Variants in PCCA observed in about 807,000 individuals in gnomAD.
PCCA encodes propionyl-CoA carboxylase alpha chain, mitochondrial.
In PCCA, 74 loss-of-function variants were observed where a neutral mutation model predicts 101.3. That is an observed-to-expected ratio of 0.73 (90% CI 0.61 to 0.89). The LOEUF (loss-of-function observed/expected upper bound fraction) is 0.89. Ranked by LOEUF, PCCA falls within the 40% of genes least tolerant of loss-of-function variation. The probability of loss-of-function intolerance (pLI) is 0.00; values close to 1 mark genes in which losing one functional copy is unlikely to be tolerated. For synonymous variants in PCCA, 294 were observed against 313.6 expected, an observed-to-expected ratio of 0.94 and a Z score of 0.66; for missense variants, 891 against 907.0, an observed-to-expected ratio of 0.98 and a Z score of 0.23.
intron 14 of PCCA, among the ~76,000 whole-genome samples, chr13:100,306,555 C>A (rs1274278667): frequency 6.6e-6 from 1 of 152,130 alleles, no homozygotes; most frequent in Admixed American, 6.6e-5. Context: ...TGGTTAACAG[C>A]AATCAGCCTC....
intron 18 of PCCA, among the ~76,000 whole-genome samples, chr13:100,348,910 CTT>C (rs779922371): frequency 3.9e-5 from 2 of 51,498 alleles, no homozygotes; most frequent in African/African-American, 1.0e-4. Context: ...TCCTTCCTTC[CTT>C]TCTTTTCTTT....
intron 10 of PCCA, 51 bp downstream of exon 10, chr13:100,262,882 T>A: frequency 1.3e-6 from 1 of 785,686 alleles, no homozygotes; most frequent in Non-Finnish European, 2.2e-6. Flanking sequence ...TAATATCATT[T>A]AATCCTATTG....
intron 19 of PCCA, among the ~76,000 whole-genome samples, chr13:100,370,993 TAATTTTTAGGAGTTTA>T (rs2075541249): frequency 6.6e-6 from 1 of 152,176 alleles, no homozygotes; most frequent in Non-Finnish European, 1.5e-5. Flanking sequence ...TTCTTCTGTT[TAATTTTTAGGAGTTTA>T]AATTATAAGA....
At chr13:100,515,336 T>G in intron 21 of PCCA, 91 bp from the exon 22 acceptor site, 1 of 1,184,582 alleles carries the variant, frequency 8.4e-7, no homozygotes, top group Admixed American at 1.9e-5. Flanking sequence ...AATTTGAATT[T>G]AAAAGCTAAA....
chr13:100,255,105 A>G (rs181914334), intron 8 of PCCA, among the ~76,000 whole-genome samples: 2 of 152,178 alleles, frequency 1.3e-5, no homozygotes, highest in Non-Finnish European at 2.9e-5. Context: ...TCTAACTTGC[A>G]TCAGTTTCTT....
At chr13:100,505,270 T>C (rs1242711111) in intron 21 of PCCA, among the ~76,000 whole-genome samples, 1 of 152,254 alleles carries the variant, frequency 6.6e-6, no homozygotes, top group Non-Finnish European at 1.5e-5. Flanking sequence ...TCTTGTTTAT[T>C]TTGTATTCTT....
intron 21 of PCCA, among the ~76,000 whole-genome samples, chr13:100,497,993 A>G (rs909658895): frequency 6.6e-6 from 1 of 151,906 alleles, no homozygotes; most frequent in African/African-American, 2.4e-5. Flanking sequence ...CCTCAGCCTC[A>G]TGAGTAGCTA....
intron 8 of PCCA, among the ~76,000 whole-genome samples, chr13:100,252,663 T>C (rs1393262446): frequency 6.6e-6 from 1 of 152,168 alleles, no homozygotes; most frequent in Non-Finnish European, 1.5e-5. Context: ...TATCAGTTGG[T>C]CAAAAAAGAT....
intron 7 of PCCA, among the ~76,000 whole-genome samples, chr13:100,215,533 C>A (rs1463435036): frequency 6.6e-6 from 1 of 152,200 alleles, no homozygotes; most frequent in African/African-American, 2.4e-5. Context: ...CCTACCCCCT[C>A]AGATACCAAA....
chr13:100,525,493 C>A (rs1046992664), intron 22 of PCCA, among the ~76,000 whole-genome samples: 1 of 152,226 alleles, frequency 6.6e-6, no homozygotes, highest in Non-Finnish European at 1.5e-5. Flanking sequence ...CAGGCCCTGG[C>A]GGGGCCCAGA....
At chr13:100,336,046 T>C (rs2070398813) in intron 17 of PCCA, among the ~76,000 whole-genome samples, 1 of 152,120 alleles carries the variant, frequency 6.6e-6, no homozygotes, top group South Asian at 2.1e-4. Context: ...GCGGATCGCC[T>C]GAAGTCAGGA....
At chr13:100,217,242 C>T (rs540046208) in intron 7 of PCCA, among the ~76,000 whole-genome samples, 2 of 152,052 alleles carry the variant, frequency 1.3e-5, no homozygotes, top group African/African-American at 4.8e-5. Flanking sequence ...GTCAGGAGTT[C>T]GAGACCAGCC....
At chr13:100,350,158 G>A (rs4561310) in intron 18 of PCCA, among the ~76,000 whole-genome samples, 107,139 of 152,036 alleles carry the variant, frequency 0.7, 38,128 homozygotes, top group Middle Eastern at 0.8. Flanking sequence ...AGGAAAAGCC[G>A]GTATTGTTGA....
In PCCA at chr13:100,527,738, G is replaced by A. The variant is rs2087966757; in HGVS notation, c.2104G>A (p.Gly702Arg). Reference sequence around the variant, plus strand: ...GAAAATGCAGAATAGTATGACAGCTGGGAAAACTGGCACGGTGAGTCCCTA... The same window carrying A: ...GAAAATGCAGAATAGTATGACAGCTAGGAAAACTGGCACGGTGAGTCCCTA... ...AMKMQNSMTA[G>R]KTGTVKSVHC... Residue 702 changes from glycine to arginine, a missense_variant, in exon 23 of 24, where the codon GGG (glycine) becomes AGG (arginine). Physicochemically the swap from Gly to Arg is moderately radical, Grantham distance 125 (BLOSUM62 -2). Coordinates refer to ENST00000376285, the MANE Select transcript of PCCA (RefSeq NM_000282.4). 1 of 1,613,084 alleles carries A rather than the reference G, an allele frequency of 6.2e-7. No homozygotes were observed. The highest frequency in any genetic ancestry group is 1.1e-5 in the South Asian group (1 of 91,064).
At chr13:100,528,386 G>A (rs1011430117) in intron 23 of PCCA, among the ~76,000 whole-genome samples, 12 of 152,234 alleles carry the variant, frequency 7.9e-5, no homozygotes, top group Non-Finnish European at 1.2e-4. Context: ...TGTGAGGGCC[G>A]TTGTGGTTTG....
intron 21 of PCCA, among the ~76,000 whole-genome samples, chr13:100,456,071 C>T (rs1428764749): frequency 1.3e-5 from 2 of 152,196 alleles, no homozygotes; most frequent in African/African-American, 2.4e-5. Flanking sequence ...TCCACATCTT[C>T]ACTTGGATCT....
intron 9 of PCCA, among the ~76,000 whole-genome samples, chr13:100,261,702 T>C (rs2062533583): frequency 6.6e-6 from 1 of 152,194 alleles, no homozygotes; most frequent in South Asian, 2.1e-4. Context: ...ATGATTTAAA[T>C]TAGTTTGTAA....
intron 22 of PCCA, among the ~76,000 whole-genome samples, chr13:100,520,796 A>T (rs7316948): frequency 0.24 from 36,140 of 151,982 alleles, 5,349 homozygotes; most frequent in Middle Eastern, 0.39. Flanking sequence ...TAAAATAAAA[A>T]ATATTTATGT....
At chr13:100,247,250 C>G (rs1304983354) in intron 8 of PCCA, among the ~76,000 whole-genome samples, 8 of 138,690 alleles carry the variant, frequency 5.8e-5, no homozygotes, top group Non-Finnish European at 1.1e-4. Flanking sequence ...CAGAGTCTCA[C>G]TCTGTCGCCC....
Sources: gnomAD v4.1 joint callset for allele counts (sites outside exome capture counted in the v4.1 genomes callset) on GRCh38, gnomAD v4.1.1 for gene constraint, MANE v1.5 for transcripts, NCBI Gene and HGNC (gene_info 2026-07-23, HGNC 2026-07-21) for gene names.